The following LSM1 variants were observed in gnomAD, a reference collection of about 807,000 sequenced individuals.
LSM1 encodes the protein U6 snRNA-associated Sm-like protein LSm1.
LSM1 carries 13 observed loss-of-function variants against 18.0 expected under a neutral mutation model. That is an observed-to-expected ratio of 0.72 (90% CI 0.47 to 1.15). The LOEUF (loss-of-function observed/expected upper bound fraction) is 1.15, where lower values mean the gene tolerates loss of function less well. LSM1 is among the 50% of genes most tolerant of loss of function. The pLI, the probability that LSM1 is intolerant of heterozygous loss-of-function variation, is 0.00. For missense variants in LSM1, 152 were observed against 157.7 expected (o/e 0.96, Z 0.19); for synonymous variants, 46 against 56.0 (o/e 0.82, Z 0.80).
At chr8:38,171,936 A>G (rs556395622) in intron 2 of LSM1, 29 bp downstream of exon 2, 13 of 1,495,634 alleles carry the variant, frequency 8.7e-6, no homozygotes, top group Middle Eastern at 1.9e-4. Context: ...TATCCAGAGT[A>G]TAAGAGATGT....
At chr8:38,175,609 C>T (rs1803119947) in intron 1 of LSM1, among the ~76,000 whole-genome samples, 2 of 151,678 alleles carry the variant, frequency 1.3e-5, no homozygotes, top group South Asian at 4.2e-4. Flanking sequence ...AGCTCCTCTT[C>T]CGGACAAAAA....
At chr8:38,171,658 G>C (rs1053457139) in intron 2 of LSM1, among the ~76,000 whole-genome samples, 1 of 152,038 alleles carries the variant, frequency 6.6e-6, no homozygotes, top group Non-Finnish European at 1.5e-5. Context: ...CCGAGAGCGC[G>C]TCTAAACAAA....
At chr8:38,164,976 GTCT>G (rs1410338664) in intron 3 of LSM1, among the ~76,000 whole-genome samples, 1 of 152,180 alleles carries the variant, frequency 6.6e-6, no homozygotes, top group Non-Finnish European at 1.5e-5. Flanking sequence ...ACGGCAACAA[GTCT>G]TCTAGGGAGA....
chr8:38,169,826 T>C lies in LSM1; in HGVS notation c.207A>G (p.Glu69=). Residue 69 remains glutamate, a synonymous_variant, in exon 3 of 4, where the codon GAA becomes GAG. Transcript: ENST00000311351. ...CTATTTCTCCTAGTAGGACCACATT[T>C]TCTCCTCTGACCACAAAAATCCCTC... ...IPRGIFVVRG[E]NVVLLGEIDL... The C allele has an allele frequency of 1.9e-6, 3 of 1,612,702 alleles. No homozygotes were observed. The highest frequency in any genetic ancestry group is 2.5e-6 in the Non-Finnish European group (3 of 1,178,758).
At chr8:38,172,153 A>G in intron 1 of LSM1, 120 bp from the exon 2 acceptor site, 2 of 712,122 alleles carry the variant, frequency 2.8e-6, no homozygotes, top group South Asian at 3.4e-5. Context: ...TGTGAAGTTC[A>G]AGTTCATTGG....
At position 38,172,012 on chromosome 8, in the gene LSM1, C is replaced by T. The variant is rs144546839; in HGVS notation, c.68G>A (p.Arg23Gln). Residue 23 changes from arginine (R) to glutamine (Q), a missense_variant, in exon 2 of 4, where the codon CGA becomes CAA. Physicochemically the swap from Arg to Gln is conservative, Grantham distance 43. Coordinates refer to ENST00000311351, the MANE Select transcript of LSM1 (RefSeq NM_014462.3). ...AAAGCCTATAAGTGTCCTTCCATCT[C>T]GAAGCAGAACCAAGTGCTTTTCTGG... ...DIDKKHLVLL[R>Q]DGRTLIGFLR... The T allele has an allele frequency of 7.4e-6, 12 of 1,611,314 alleles. No homozygotes were observed. Among genetic ancestry groups the T allele is most frequent in the South Asian group, 2.2e-5 (2 of 90,668 alleles).
rs557413484 is a variant in LSM1, at chr8:38,163,594, G to T, written c.*76C>A. The stretch of plus-strand genomic sequence containing the variant: ...AACTCTACAGTCTGTGATCAAATGC[G>T]TGAGGTGGCCAGGATGTCACTTTCA... On this transcript the variant is annotated 3_prime_UTR_variant, in exon 4 of 4. Transcript: ENST00000311351. 18 of 1,303,430 alleles carry T rather than the reference G, an allele frequency of 1.4e-5. No individual in the cohort carries two copies. Among genetic ancestry groups the T allele is most frequent in the African/African-American group, 5.9e-5 (4 of 68,044 alleles). 80.7% of individuals were successfully genotyped at this position (1,303,430 alleles called of 1,614,324 possible).
chr8:38,175,426 G>T (rs1253122677), intron 1 of LSM1, among the ~76,000 whole-genome samples: 1 of 152,164 alleles, frequency 6.6e-6, no homozygotes, highest in African/African-American at 2.4e-5. Flanking sequence ...TAACTGAGAC[G>T]ATTGCAACTT....
At chr8:38,173,126 T>C (rs902387381) in intron 1 of LSM1, among the ~76,000 whole-genome samples, 1 of 152,208 alleles carries the variant, frequency 6.6e-6, no homozygotes, top group Non-Finnish European at 1.5e-5. Flanking sequence ...AGCCAGTTAC[T>C]AGCGCACCCA....
chr8:38,176,725 A>G, upstream of LSM1: 1 of 1,113,354 alleles, frequency 9.0e-7, no homozygotes, highest in Non-Finnish European at 1.2e-6. Context: ...GGGGTTCGGC[A>G]GCAGAAGGGG....
At chr8:38,167,657 T>C (rs2843744) in intron 3 of LSM1, among the ~76,000 whole-genome samples, 58,032 of 151,958 alleles carry the variant, frequency 0.38, 11,718 homozygotes, top group East Asian at 0.6. Context: ...TAACTTAAGT[T>C]TTTTCCTCTG....
Position 38,176,429 on chromosome 8 carries a change from G to T in LSM1, c.-109C>A. The T allele has an allele frequency of 2.4e-6, 2 of 848,114 alleles. No individual in the cohort carries two copies. Among genetic ancestry groups the T allele is most frequent in the African/African-American group, 1.7e-5 (1 of 60,162 alleles). 52.5% of individuals were successfully genotyped at this position (848,114 alleles called of 1,614,324 possible). On this transcript the variant is annotated 5_prime_UTR_variant, in exon 1 of 4. Coordinates refer to ENST00000311351, the MANE Select transcript of LSM1 (RefSeq NM_014462.3). ...TCGGTGGGACCAAGCCCGGAATCCCGACCGAGACCAGCACTTCTGCCCCGG... is the reference window on the plus strand; with the variant it reads ...TCGGTGGGACCAAGCCCGGAATCCCTACCGAGACCAGCACTTCTGCCCCGG...
intron 2 of LSM1, among the ~76,000 whole-genome samples, chr8:38,170,150 C>T (rs1802999968): frequency 6.6e-6 from 1 of 152,214 alleles, no homozygotes; most frequent in Non-Finnish European, 1.5e-5. Context: ...AAGCAATTCT[C>T]CTGCCTCAGA....
intron 3 of LSM1, among the ~76,000 whole-genome samples, chr8:38,167,577 G>C (rs1026977479): frequency 1.3e-5 from 2 of 152,078 alleles, no homozygotes; most frequent in Non-Finnish European, 2.9e-5. Context: ...CAGCTTAAGC[G>C]ATCTGCCTGC....
chr8:38,163,637 C>T lies in LSM1; in HGVS notation c.*33G>A. The T allele has an allele frequency of 6.2e-7, 1 of 1,606,558 alleles. No homozygotes were observed. Among genetic ancestry groups the T allele is most frequent in the Non-Finnish European group, 8.5e-7 (1 of 1,174,218 alleles). The stretch of plus-strand genomic sequence containing the variant: ...CACTTTCACTCAGTGACAGCCCCTA[C>T]TCTTCAAGAGCCAACAGCCTCTGGG... On this transcript the variant is annotated 3_prime_UTR_variant, in exon 4 of 4. Transcript: ENST00000311351.
In LSM1 at chr8:38,176,492, T is replaced by C; in HGVS notation, c.-172A>G. On this transcript the variant is annotated 5_prime_UTR_variant, in exon 1 of 4. Coordinates refer to ENST00000311351, the MANE Select transcript of LSM1 (RefSeq NM_014462.3). ...GGGGGCTGCCGGAAGCTCCTCCATA[T>C]TACCCTTACCCACTTCCTGTAACAC... 1 of 596,374 alleles carries C rather than the reference T, an allele frequency of 1.7e-6. No homozygotes were observed. Among genetic ancestry groups the C allele is most frequent in the Non-Finnish European group, 3.0e-6 (1 of 337,406 alleles). The allele number at this position is 596,374 out of a possible 1,614,324, so 36.9% of individuals were successfully genotyped here.
rs963135601 is a variant in LSM1 at position 38,176,368 on chromosome 8, G to A, written c.-48C>T. On this transcript the variant is annotated 5_prime_UTR_variant, in exon 1 of 4. In the 5' UTR this introduces an upstream ATG that the reference lacks. Coordinates refer to ENST00000311351, the MANE Select transcript of LSM1 (RefSeq NM_014462.3). ...ATGCACAGCGGCGGGAGGCCAGCGC[G>A]TCCAAAACCTCTTCCCTCCTACCGC... The A allele has an allele frequency of 4.6e-6, 7 of 1,507,732 alleles. No homozygotes were observed. Among genetic ancestry groups the A allele is most frequent in the Admixed American group, 3.5e-5 (2 of 57,782 alleles). The allele number at this position is 1,507,732 out of a possible 1,614,324, so 93.4% of individuals were successfully genotyped here. A position where few individuals can be genotyped will look rare whatever the true frequency, so the allele number is the denominator to read the frequency against.
At position 38,176,259 on chromosome 8, in the gene LSM1, G is replaced by A. The variant is rs772627490; in HGVS notation, c.46+16C>T. On this transcript the variant is annotated intron_variant, in intron 1 of 3. Transcript: ENST00000311351. ...GTCTAACCCCGGGCTCCACCGGGAG[G>A]AGATAAACTACTCACTGTCAATGTC... The A allele has an allele frequency of 4.3e-6, 7 of 1,612,452 alleles. No homozygotes were observed. The East Asian group carries it at 1.6e-4, about 36-fold the overall frequency.
intron 1 of LSM1, among the ~76,000 whole-genome samples, chr8:38,175,397 A>G (rs539124699): frequency 4.4e-4 from 67 of 152,318 alleles, no homozygotes; most frequent in Middle Eastern, 6.8e-3. Flanking sequence ...CATAGATTCT[A>G]AATTGCGTAT....
Sources: gnomAD v4.1 joint callset for allele counts (sites outside exome capture counted in the v4.1 genomes callset) on GRCh38, gnomAD v4.1.1 for gene constraint, MANE v1.5 for transcripts, NCBI Gene and HGNC (gene_info 2026-07-23, HGNC 2026-07-21) for gene names.